Variants in DENND11 observed in about 807,000 individuals in gnomAD.
The protein encoded by DENND11 is DENN domain-containing protein 11.
DENND11 carries 34 observed loss-of-function variants against 49.2 expected under a neutral mutation model. The ratio of observed to expected loss-of-function variants is 0.69; its 90% CI spans 0.53 to 0.92. DENND11 has a LOEUF of 0.92. Ranked by LOEUF, DENND11 falls within the 40% of genes least tolerant of loss-of-function variation. The pLI is 0.00. For missense variants in DENND11, 475 were observed against 581.6 expected (o/e 0.82, Z 1.88); for synonymous variants, 238 against 230.3 (o/e 1.03, Z -0.30).
intron 4 of DENND11, among the ~76,000 whole-genome samples, chr7:141,673,617 C>T (rs926682770): frequency 3.3e-5 from 5 of 152,224 alleles, no homozygotes; most frequent in African/African-American, 7.2e-5. Flanking sequence ...CAACACCTAA[C>T]GCTTTGCTGG....
chr7:141,701,045 C>CT (rs1798502843), intron 1 of DENND11, among the ~76,000 whole-genome samples: 1 of 152,066 alleles, frequency 6.6e-6, no homozygotes, highest in Non-Finnish European at 1.5e-5. Flanking sequence ...TCAGAAGTCC[C>CT]TAGCTGACCC....
rs1797770391 is a variant in DENND11 at position 141,660,385 on chromosome 7, G to A, written c.*2271C>T. 6.6e-6 allele frequency: 1 copy of A among 152,260 alleles called. No individual in the cohort carries two copies. Among genetic ancestry groups the A allele is most frequent in the African/African-American group, 2.4e-5 (1 of 41,436 alleles). 9.4% of individuals were successfully genotyped at this position (152,260 alleles called of 1,614,324 possible). A position where few individuals can be genotyped will look rare whatever the true frequency, so the allele number is the denominator to read the frequency against. Reference sequence around the variant, plus strand: ...CATACCCTGGCCCTCTGCATGAGCAGGAGGGTGGACACGTGGAGATGTGAG... The same window carrying A: ...CATACCCTGGCCCTCTGCATGAGCAAGAGGGTGGACACGTGGAGATGTGAG... On this transcript the variant is annotated 3_prime_UTR_variant, in exon 9 of 9. Coordinates refer to ENST00000536163, the MANE Select transcript of DENND11 (RefSeq NM_001080392.2).
chr7:141,669,075 C>T (rs1797937983), intron 4 of DENND11, among the ~76,000 whole-genome samples: 1 of 152,170 alleles, frequency 6.6e-6, no homozygotes, highest in South Asian at 2.1e-4. Context: ...AGCCCCCCTC[C>T]CCTGTATCCC....
rs1562993913 is a variant in DENND11, at chr7:141,662,842, T to G, written c.1182A>C (p.Leu394=). The change falls in exon 9 of 9, where the codon CTA becomes CTC. Residue 394 remains leucine (L), a synonymous_variant. Transcript: ENST00000536163. The part of the protein sequence containing the change: ...CEEDLFVLFF[L]EQNNRIFQTL... The stretch of plus-strand genomic sequence containing the variant: ...TCTGAAATATCCGGTTGTTTTGTTC[T>G]AGGAAAAACCTGCATTTGGAAGACA... 6.5e-7 allele frequency: 1 copy of G among 1,549,608 alleles called. No homozygotes were observed.
intron 1 of DENND11, among the ~76,000 whole-genome samples, chr7:141,701,312 AACTTGG>A (rs1232752770): frequency 6.6e-6 from 1 of 151,240 alleles, no homozygotes; most frequent in East Asian, 2.0e-4. Flanking sequence ...AGAGAAAGTG[AACTTGG>A]CCGCTAGGAA....
chr7:141,683,216 A>G (rs1798175171), intron 3 of DENND11, among the ~76,000 whole-genome samples: 1 of 152,230 alleles, frequency 6.6e-6, no homozygotes, highest in South Asian at 2.1e-4. Flanking sequence ...CTGGAGAAGA[A>G]AAAAACAGAA....
intron 1 of DENND11, among the ~76,000 whole-genome samples, chr7:141,691,484 T>G (rs1798326291): frequency 6.6e-6 from 1 of 152,252 alleles, no homozygotes; most frequent in South Asian, 2.1e-4. Context: ...TTCCTTAGCC[T>G]GGTTCTCAAA....
chr7:141,663,967 C>A, intron 8 of DENND11: 1 of 485,466 alleles, frequency 2.1e-6, no homozygotes, highest in African/African-American at 1.9e-5. Flanking sequence ...TCTTAAGGGA[C>A]CTGCTTCTTT....
At position 141,665,008 on chromosome 7, in the gene DENND11, G is replaced by A. The variant is rs887613111; in HGVS notation, c.999C>T (p.Val333=). The A allele has an allele frequency of 1.2e-6, 2 of 1,613,950 alleles. No individual in the cohort carries two copies. Among genetic ancestry groups the A allele is most frequent in the Non-Finnish European group, 1.7e-6 (2 of 1,179,884 alleles). Residue 333 remains valine (V), a synonymous_variant, in exon 7 of 9, where the codon GTC becomes GTT. Transcript: ENST00000536163. ...IFEEKRELYD[V]YVDNQNVKTH... ...TCTTCACATTCTGGTTATCCACGTA[G>A]ACGTCATACAGCTCCCGCTTCTCCT...
At chr7:141,686,715 TTAG>T in intron 1 of DENND11, 57 bp from the exon 2 acceptor site, 1 of 1,222,906 alleles carries the variant, frequency 8.2e-7, no homozygotes, top group South Asian at 1.3e-5. Flanking sequence ...AGAAAATGGG[TTAG>T]TACAGGGCTT....
rs775267353 is a variant in DENND11 at position 141,658,434 on chromosome 7, T to C, written c.*4222A>G. 6.6e-6 allele frequency: 1 copy of C among 151,954 alleles called. No homozygotes were observed. Among genetic ancestry groups the C allele is most frequent in the Admixed American group, 6.6e-5 (1 of 15,254 alleles). The allele number at this position is 151,954 out of a possible 1,614,324, so 9.4% of individuals were successfully genotyped here. ...GAAATGAGAGGGGATGGGACTGGGG[T>C]CAGCAGGATTCTCACCTCGGTCTAA... is the stretch of plus-strand genomic sequence containing the variant. On this transcript the variant is annotated 3_prime_UTR_variant, in exon 9 of 9. Coordinates refer to ENST00000536163, the MANE Select transcript of DENND11 (RefSeq NM_001080392.2).
At chr7:141,701,035 T>C (rs1423792587) in intron 1 of DENND11, among the ~76,000 whole-genome samples, 1 of 151,658 alleles carries the variant, frequency 6.6e-6, no homozygotes. Flanking sequence ...ACTCTCAGAG[T>C]CAGAAGTCCC....
chr7:141,683,486 T>A (rs1388244422), intron 3 of DENND11, among the ~76,000 whole-genome samples: 5 of 151,490 alleles, frequency 3.3e-5, no homozygotes, highest in South Asian at 2.1e-4. Flanking sequence ...TAAAAAAAAA[T>A]AAATAAATTA....
At position 141,659,352 on chromosome 7, in the gene DENND11, A is replaced by G. The variant is rs1050184207; in HGVS notation, c.*3304T>C. On this transcript the variant is annotated 3_prime_UTR_variant, in exon 9 of 9. Transcript: ENST00000536163. ...AATGGTTCGTGTTTAAAGGCCAAGC[A>G]AATTCTAAACACATAATTTGGGCCA... 1.3e-5 allele frequency: 2 copies of G among 152,256 alleles called. No individual in the cohort carries two copies. The highest frequency in any genetic ancestry group is 2.9e-5 in the Non-Finnish European group (2 of 68,062). The allele number at this position is 152,256 out of a possible 1,614,324, so 9.4% of individuals were successfully genotyped here.
intron 1 of DENND11, among the ~76,000 whole-genome samples, chr7:141,689,129 T>G (rs548106223): frequency 5.9e-5 from 9 of 152,192 alleles, no homozygotes; most frequent in Non-Finnish European, 1.2e-4. Flanking sequence ...TATTGAAGTA[T>G]AGCATAAGTA....
chr7:141,662,991 AG>A, intron 8 of DENND11, 140 bp from the exon 9 acceptor site: 1 of 591,100 alleles, frequency 1.7e-6, no homozygotes, highest in South Asian at 3.0e-5. Context: ...TTTTAAAAAA[AG>A]AAAAGAGTAA....
At chr7:141,681,667 G>C (rs12703403) in intron 3 of DENND11, among the ~76,000 whole-genome samples, 78,292 of 152,000 alleles carry the variant, frequency 0.52, 21,596 homozygotes, top group East Asian at 0.91. Flanking sequence ...GCAAACAAAC[G>C]AGAAGTCAAT....
At chr7:141,695,853 C>T (rs758390906) in intron 1 of DENND11, among the ~76,000 whole-genome samples, 30 of 152,190 alleles carry the variant, frequency 2.0e-4, no homozygotes, top group Non-Finnish European at 3.8e-4. Context: ...ACTTCCTAGC[C>T]TCTACTGCAA....
rs1797801947 is a variant in DENND11 at position 141,661,921 on chromosome 7, A to G, written c.*735T>C. On this transcript the variant is annotated 3_prime_UTR_variant, in exon 9 of 9. Transcript: ENST00000536163. ...AGCATTGGCCCTTAGCAATTCACCAATTCATCCCAAGAAGAGGAAGGTTCA... is the reference window on the plus strand; with the variant it reads ...AGCATTGGCCCTTAGCAATTCACCAGTTCATCCCAAGAAGAGGAAGGTTCA... The G allele has an allele frequency of 6.6e-6, 1 of 152,224 alleles. No homozygotes were observed. Among genetic ancestry groups the G allele is most frequent in the Non-Finnish European group, 1.5e-5 (1 of 68,034 alleles). 9.4% of individuals were successfully genotyped at this position (152,224 alleles called of 1,614,324 possible).
Sources: gnomAD v4.1 joint callset for allele counts (sites outside exome capture counted in the v4.1 genomes callset) on GRCh38, gnomAD v4.1.1 for gene constraint, MANE v1.5 for transcripts, NCBI Gene and HGNC (gene_info 2026-07-23, HGNC 2026-07-21) for gene names.